NFAM1: variants seen among roughly 807,000 people sequenced by gnomAD.
NFAM1 encodes NFAT activation molecule 1.
In NFAM1, 17 loss-of-function variants were observed where a neutral mutation model predicts 29.0. That is an observed-to-expected ratio of 0.59 (90% confidence interval 0.40 to 0.88). The LOEUF (loss-of-function observed/expected upper bound fraction) is 0.88, where lower values mean the gene tolerates loss of function less well. NFAM1 is among the 40% of genes least tolerant of loss of function. NFAM1 has a pLI of 0.00. For synonymous variants in NFAM1, 175 were observed against 147.2 expected (o/e 1.19, Z -1.36); for missense variants, 324 against 344.6 (o/e 0.94, Z 0.47).
In NFAM1 at chr22:42,384,282, T is replaced by C. The variant is rs571446102; in HGVS notation, c.*879A>G. 1.6e-3 allele frequency: 241 copies of C among 153,734 alleles called. 4 individuals are homozygous for C. The highest frequency in any genetic ancestry group is 2.7e-3 in the Non-Finnish European group (187 of 68,892). 9.5% of individuals were successfully genotyped at this position (153,734 alleles called of 1,614,324 possible). A position where few individuals can be genotyped will look rare whatever the true frequency, so the allele number is the denominator to read the frequency against. ...AGAAGGAGGGACAGCTGAGGTCCTG[T>C]GGTGGAGAAGGCCTGGAGCAGAGGG... On this transcript the variant is annotated 3_prime_UTR_variant, in exon 6 of 6. Coordinates refer to ENST00000329021, the MANE Select transcript of NFAM1 (RefSeq NM_145912.8).
upstream of NFAM1, chr22:42,436,953 C>T (rs1569239891): frequency 3.2e-6 from 3 of 945,934 alleles, no homozygotes; most frequent in East Asian, 3.5e-4. Flanking sequence ...AACAGTGACT[C>T]ACCTGCTTGA....
At chr22:42,422,520 G>A (rs1197315905) in intron 1 of NFAM1, among the ~76,000 whole-genome samples, 2 of 152,050 alleles carry the variant, frequency 1.3e-5, no homozygotes, top group African/African-American at 2.4e-5. Context: ...CAGGAGAATC[G>A]CTTGAACCCG....
At chr22:42,402,808 CCA>C (rs1173899975) in intron 3 of NFAM1, among the ~76,000 whole-genome samples, 1 of 151,738 alleles carries the variant, frequency 6.6e-6, no homozygotes, top group Non-Finnish European at 1.5e-5. Flanking sequence ...CGCCTCAGAC[CCA>C]CACCGGTCCC....
At chr22:42,418,197 T>C (rs889488046) in intron 1 of NFAM1, among the ~76,000 whole-genome samples, 8 of 152,306 alleles carry the variant, frequency 5.3e-5, no homozygotes, top group Non-Finnish European at 1.0e-4. Context: ...GCTCTGCCAC[T>C]TCAAGGCTGT....
At chr22:42,397,802 C>G (rs1929578608) in intron 4 of NFAM1, 56 bp downstream of exon 4, 1 of 974,852 alleles carries the variant, frequency 1.0e-6, no homozygotes, top group Non-Finnish European at 1.7e-6. Flanking sequence ...TGGTACAAGA[C>G]AGACTCTGCC....
chr22:42,400,913 G>A (rs1929704973), intron 3 of NFAM1, among the ~76,000 whole-genome samples: 1 of 152,190 alleles, frequency 6.6e-6, no homozygotes, highest in Admixed American at 6.5e-5. Flanking sequence ...CTCCCGCGAG[G>A]CTGACCTGGG....
At chr22:42,385,957 C>T (rs1929124362) in intron 5 of NFAM1, among the ~76,000 whole-genome samples, 1 of 152,222 alleles carries the variant, frequency 6.6e-6, no homozygotes, top group African/African-American at 2.4e-5. Context: ...ACGCCTCACG[C>T]TTGACGGTGC....
chr22:42,433,765 G>A (rs1930875497), upstream of NFAM1, among the ~76,000 whole-genome samples: 1 of 152,208 alleles, frequency 6.6e-6, no homozygotes, highest in African/African-American at 2.4e-5. Flanking sequence ...GTTATTGACT[G>A]TTGATCCATC....
chr22:42,420,968 T>C (rs1359157584), intron 1 of NFAM1, among the ~76,000 whole-genome samples: 1 of 152,124 alleles, frequency 6.6e-6, no homozygotes, highest in Non-Finnish European at 1.5e-5. Flanking sequence ...ACTGGGGGAC[T>C]GTTATTGTCA....
chr22:42,410,796 C>T (rs1930057358), intron 2 of NFAM1, among the ~76,000 whole-genome samples: 1 of 152,102 alleles, frequency 6.6e-6, no homozygotes, highest in Admixed American at 6.6e-5. Flanking sequence ...TGCAGAAGTT[C>T]CCCCACCATG....
chr22:42,386,892 G>A (rs1263536903), intron 5 of NFAM1, 97 bp downstream of exon 5: 11 of 648,908 alleles, frequency 1.7e-5, no homozygotes, highest in Non-Finnish European at 2.9e-5. Context: ...CACAGCAGGT[G>A]GCTCACTTCC....
At position 42,381,535 on chromosome 22, in the gene NFAM1, G is replaced by T. The variant is rs1250027723; in HGVS notation, c.*3626C>A. 1 of 152,516 alleles carries T rather than the reference G, an allele frequency of 6.6e-6. No individual in the cohort carries two copies. Among genetic ancestry groups the T allele is most frequent in the East Asian group, 1.9e-4 (1 of 5,200 alleles). 9.4% of individuals were successfully genotyped at this position (152,516 alleles called of 1,614,324 possible). Reference sequence around the variant, plus strand: ...GTGGGCAGAGGGAAGCATCAGCTGAGACCCAGAGACAGGGCTGCCCTGCTG... The same window carrying T: ...GTGGGCAGAGGGAAGCATCAGCTGATACCCAGAGACAGGGCTGCCCTGCTG... On this transcript the variant is annotated 3_prime_UTR_variant, in exon 6 of 6. Coordinates refer to ENST00000329021, the MANE Select transcript of NFAM1 (RefSeq NM_145912.8).
chr22:42,391,442 G>A (rs1023259912), intron 4 of NFAM1, among the ~76,000 whole-genome samples: 4 of 152,158 alleles, frequency 2.6e-5, no homozygotes, highest in African/African-American at 9.7e-5. Flanking sequence ...GGCAAGAAAC[G>A]GGAGTGGCTC....
chr22:42,387,122 G>A (rs747348873), intron 4 of NFAM1, 44 bp from the exon 5 acceptor site: 3 of 1,184,632 alleles, frequency 2.5e-6, no homozygotes, highest in South Asian at 2.6e-5. Context: ...GTGTGTAGAG[G>A]GGCAGTCCCT....
At chr22:42,405,264 T>C (rs1929857869) in intron 3 of NFAM1, among the ~76,000 whole-genome samples, 1 of 152,196 alleles carries the variant, frequency 6.6e-6, no homozygotes, top group South Asian at 2.1e-4. Context: ...AGATCTCGCC[T>C]GGCCCCGTTC....
chr22:42,410,081 C>A (rs1288657026), intron 2 of NFAM1, among the ~76,000 whole-genome samples: 1 of 152,176 alleles, frequency 6.6e-6, no homozygotes, highest in Non-Finnish European at 1.5e-5. Context: ...CAACCACATG[C>A]CAGGCACATG....
chr22:42,399,592 C>G (rs866585683), intron 3 of NFAM1, among the ~76,000 whole-genome samples: 4 of 152,068 alleles, frequency 2.6e-5, no homozygotes, highest in Admixed American at 2.0e-4. Context: ...TCTGAGGGCT[C>G]GAAGTGGGAG....
intron 4 of NFAM1, among the ~76,000 whole-genome samples, chr22:42,389,728 G>C (rs1929271869): frequency 6.6e-6 from 1 of 151,968 alleles, no homozygotes; most frequent in South Asian, 2.1e-4. Flanking sequence ...GTTTGTCTGG[G>C]ATCCAGGCCC....
At chr22:42,430,960 G>T (rs1176227489) in intron 1 of NFAM1, among the ~76,000 whole-genome samples, 2 of 152,202 alleles carry the variant, frequency 1.3e-5, no homozygotes, top group East Asian at 1.9e-4. Flanking sequence ...GGTGTGGGGC[G>T]AGGCGTGCAC....
Sources: gnomAD v4.1 joint callset for allele counts (sites outside exome capture counted in the v4.1 genomes callset) on GRCh38, gnomAD v4.1.1 for gene constraint, MANE v1.5 for transcripts, NCBI Gene and HGNC (gene_info 2026-07-23, HGNC 2026-07-21) for gene names.